Variants in TBC1D12 observed in about 807,000 individuals in gnomAD.
TBC1D12 encodes the protein TBC1 domain family, member 12.
A neutral mutation model predicts 86.7 loss-of-function variants in TBC1D12; 56 were observed. That is an observed-to-expected ratio of 0.65 (90% CI 0.52 to 0.81). The LOEUF (loss-of-function observed/expected upper bound fraction) is 0.81. TBC1D12 is among the 30% of genes least tolerant of loss of function. The pLI is 0.00. For synonymous variants in TBC1D12, 421 were observed against 411.7 expected, an observed-to-expected ratio of 1.02 and a Z score of -0.27; for missense variants, 1,023 against 1,038.8, an observed-to-expected ratio of 0.98 and a Z score of 0.21.
At chr10:94,445,334 G>A (rs1396983105) in intron 2 of TBC1D12, among the ~76,000 whole-genome samples, 1 of 151,952 alleles carries the variant, frequency 6.6e-6, no homozygotes, top group Non-Finnish European at 1.5e-5. Context: ...ACTCCAGCCT[G>A]GCAAAAGAGC....
intron 6 of TBC1D12, 96 bp from the exon 7 acceptor site, chr10:94,507,171 G>T: frequency 8.4e-7 from 1 of 1,193,742 alleles, no homozygotes; most frequent in Non-Finnish European, 1.2e-6. Flanking sequence ...ACATCAGAGA[G>T]ACCTGACCTG....
rs1008920865 is a variant in TBC1D12 at position 94,402,934 on chromosome 10, C to T, written c.321C>T (p.Asp107=). ...APPPSAAPRS[D]ACLLGSGSKH... ...CGCCCTCGGCAGCCCCACGATCGGA[C>T]GCCTGCCTGCTGGGCTCGGGCTCCA... Residue 107 remains aspartate (D), a synonymous_variant, in exon 1 of 13, where the codon GAC becomes GAT. Coordinates refer to ENST00000225235, the MANE Select transcript of TBC1D12 (RefSeq NM_015188.2). 1.2e-5 allele frequency: 19 copies of T among 1,543,358 alleles called. No individual in the cohort carries two copies. Among genetic ancestry groups the T allele is most frequent in the Non-Finnish European group, 1.6e-5 (18 of 1,149,974 alleles).
chr10:94,491,061 G>A (rs1036345902), intron 3 of TBC1D12, among the ~76,000 whole-genome samples: 2 of 152,028 alleles, frequency 1.3e-5, no homozygotes, highest in Non-Finnish European at 1.5e-5. Flanking sequence ...CTGAGACCTG[G>A]AAATGTCAGG....
At chr10:94,474,833 A>T (rs1423837425) in intron 3 of TBC1D12, 50 bp downstream of exon 3, 1 of 1,503,176 alleles carries the variant, frequency 6.7e-7, no homozygotes, top group Middle Eastern at 1.7e-4. Context: ...TTAAAGTTAA[A>T]TTTAATTTTG....
chr10:94,425,586 A>C (rs904014485), intron 1 of TBC1D12, among the ~76,000 whole-genome samples: 1 of 151,390 alleles, frequency 6.6e-6, no homozygotes, highest in African/African-American at 2.5e-5. Context: ...CATAGAACTC[A>C]CGTTTTTTTT....
chr10:94,503,772 C>T (rs1351226326), intron 6 of TBC1D12, among the ~76,000 whole-genome samples: 1 of 152,166 alleles, frequency 6.6e-6, no homozygotes, highest in East Asian at 1.9e-4. Flanking sequence ...ATTACAGGGG[C>T]CTGCCACCAC....
Position 94,503,896 on chromosome 10 carries a change from C to T in TBC1D12, c.1520-3371C>T, listed in dbSNP as rs181119897. Among the ~76,000 whole-genome samples, 666 of 152,232 alleles carry T rather than the reference C, an allele frequency of 4.4e-3. 4 individuals are homozygous for T. Among genetic ancestry groups the T allele is most frequent in the African/African-American group, 0.015 (633 of 41,560 alleles). ...CACCTCGGCCTCCCAAAGTGCTGGG[C>T]TTACAGGCATGAGCCACTGTGCCCA... is the stretch of plus-strand genomic sequence containing the variant. On this transcript the variant is annotated intron_variant, in intron 6 of 12. Coordinates refer to ENST00000225235, the MANE Select transcript of TBC1D12 (RefSeq NM_015188.2).
intron 10 of TBC1D12, 50 bp downstream of exon 10, chr10:94,522,133 T>A: frequency 6.4e-7 from 1 of 1,571,186 alleles, no homozygotes; most frequent in Non-Finnish European, 8.7e-7. Flanking sequence ...AATGCCCTCT[T>A]AGAGTGAAAA....
chr10:94,495,308 G>A (rs1346957040), intron 4 of TBC1D12, among the ~76,000 whole-genome samples: 1 of 152,122 alleles, frequency 6.6e-6, no homozygotes, highest in African/African-American at 2.4e-5. Flanking sequence ...ACAGGCGTGA[G>A]CCACCATGCC....
intron 1 of TBC1D12, among the ~76,000 whole-genome samples, chr10:94,432,070 G>C (rs2055223912): frequency 1.3e-5 from 2 of 152,168 alleles, no homozygotes; most frequent in Non-Finnish European, 2.9e-5. Flanking sequence ...GAAGCCTTTA[G>C]TGTTGATTTA....
chr10:94,492,817 G>T (rs1255770558), intron 3 of TBC1D12, among the ~76,000 whole-genome samples: 1 of 152,142 alleles, frequency 6.6e-6, no homozygotes, highest in Non-Finnish European at 1.5e-5. Context: ...TTAGTTAGCT[G>T]CACAGGTATA....
At chr10:94,511,555 G>A in intron 8 of TBC1D12, 28 bp from the exon 9 acceptor site, 3 of 1,445,156 alleles carry the variant, frequency 2.1e-6, no homozygotes, top group Non-Finnish European at 2.9e-6. Flanking sequence ...TATTTGTACA[G>A]TTTCAAATTT....
intron 9 of TBC1D12, among the ~76,000 whole-genome samples, chr10:94,514,056 A>AC (rs984679396): frequency 6.6e-6 from 1 of 151,928 alleles, no homozygotes; most frequent in African/African-American, 2.4e-5. Flanking sequence ...AAAACAAAAA[A>AC]AAAAAAACAG....
At chr10:94,444,300 T>G (rs963512642) in intron 2 of TBC1D12, among the ~76,000 whole-genome samples, 3 of 152,044 alleles carry the variant, frequency 2.0e-5, no homozygotes, top group Non-Finnish European at 4.4e-5. Context: ...AGCTACTTAT[T>G]AAACAGAATC....
chr10:94,419,412 C>T (rs149732817), intron 1 of TBC1D12, among the ~76,000 whole-genome samples: 8 of 152,240 alleles, frequency 5.3e-5, no homozygotes, highest in African/African-American at 1.4e-4. Flanking sequence ...CGGTGGCTTA[C>T]GCCTGTAATC....
At chr10:94,477,857 G>A (rs1462764072) in intron 3 of TBC1D12, among the ~76,000 whole-genome samples, 1 of 152,204 alleles carries the variant, frequency 6.6e-6, no homozygotes, top group East Asian at 1.9e-4. Flanking sequence ...GACCATGTGG[G>A]AGGTCTAGAT....
In TBC1D12 at chr10:94,441,922, A is replaced by G; in HGVS notation, c.998A>G (p.Glu333Gly). 6.2e-7 allele frequency: 1 copy of G among 1,613,094 alleles called. No homozygotes were observed. The highest frequency in any genetic ancestry group is 8.5e-7 in the Non-Finnish European group (1 of 1,179,586). Residue 333 changes from glutamate to glycine, a missense_variant, in exon 2 of 13, where the codon GAA becomes GGA. Around this residue, in one of 2 missense-constraint regions of TBC1D12, gnomAD observed 628 missense variants for 531.1 expected, o/e 1.18. Coordinates refer to ENST00000225235, the MANE Select transcript of TBC1D12 (RefSeq NM_015188.2). Reference protein sequence around the residue: ...TRNLFPKRTKELKSVVHSAPG... With the variant: ...TRNLFPKRTKGLKSVVHSAPG... Reference sequence around the variant, plus strand: ...AACCTTTTTCCAAAAAGGACAAAGGAACTCAAATCAGTTGTCCATAGTGCT... The same window carrying G: ...AACCTTTTTCCAAAAAGGACAAAGGGACTCAAATCAGTTGTCCATAGTGCT...
intron 2 of TBC1D12, among the ~76,000 whole-genome samples, chr10:94,446,339 G>T (rs931338260): frequency 1.3e-5 from 2 of 152,160 alleles, no homozygotes; most frequent in African/African-American, 4.8e-5. Context: ...GTCATGTTTT[G>T]GGATAGGTTC....
chr10:94,500,502 A>G (rs2056381411), intron 6 of TBC1D12, among the ~76,000 whole-genome samples, 175 bp downstream of exon 6: 1 of 152,236 alleles, frequency 6.6e-6, no homozygotes, highest in Non-Finnish European at 1.5e-5. Context: ...TTATGATTTA[A>G]TAAGTTATTA....
Sources: gnomAD v4.1 joint callset for allele counts (sites outside exome capture counted in the v4.1 genomes callset) on GRCh38, gnomAD v4.1.1 for gene constraint, gnomAD v4.1.1 regional missense constraint, MANE v1.5 for transcripts, NCBI Gene and HGNC (gene_info 2026-07-23, HGNC 2026-07-21) for gene names.